The following ARL9 variants were observed in gnomAD, a reference collection of about 807,000 sequenced individuals.
ARL9 encodes ARF like GTPase 9.
ARL9 carries 14 observed loss-of-function variants against 27.0 expected under a neutral mutation model. The ratio of observed to expected loss-of-function variants is 0.52; its 90% CI spans 0.34 to 0.81. The LOEUF (loss-of-function observed/expected upper bound fraction) is 0.81, where lower values mean the gene tolerates loss of function less well. Among genes scored for constraint, ARL9 ranks in the 30% least tolerant of loss-of-function variants. The probability of loss-of-function intolerance (pLI) is 0.01; values close to 1 mark genes in which losing one functional copy is unlikely to be tolerated. For missense variants in ARL9, 294 were observed against 290.0 expected, an observed-to-expected ratio of 1.01 and a Z score of -0.10; for synonymous variants, 106 against 108.7, an observed-to-expected ratio of 0.98 and a Z score of 0.15.
At chr4:56,506,962 T>A (rs1721484289) in intron 1 of ARL9, among the ~76,000 whole-genome samples, 2 of 152,024 alleles carry the variant, frequency 1.3e-5, no homozygotes, top group Admixed American at 1.3e-4. Flanking sequence ...GTCCAGCTAA[T>A]TTTTGTATTT....
intron 1 of ARL9, among the ~76,000 whole-genome samples, chr4:56,508,586 A>G (rs1721535132): frequency 6.6e-6 from 1 of 152,130 alleles, no homozygotes; most frequent in Non-Finnish European, 1.5e-5. Flanking sequence ...GGATTTCACC[A>G]TGTTGGTCAG....
At chr4:56,516,493 T>C (rs1721768539) in intron 2 of ARL9, among the ~76,000 whole-genome samples, 1 of 149,586 alleles carries the variant, frequency 6.7e-6, no homozygotes, top group African/African-American at 2.5e-5. Flanking sequence ...CATAAAAACA[T>C]TGGCAAAAGA....
In ARL9 at chr4:56,524,317, A is replaced by G. The variant is rs1381276943; in HGVS notation, c.*441A>G. 6.4e-6 allele frequency: 1 copy of G among 156,008 alleles called. No individual in the cohort carries two copies. The highest frequency in any genetic ancestry group is 6.3e-5 in the Admixed American group (1 of 15,802). The allele number at this position is 156,008 out of a possible 1,614,324, so 9.7% of individuals were successfully genotyped here. Reference sequence around the variant, plus strand: ...GGAATCAGTCTCCCTGAGAATACCAACGGACAACTGTACAAAGATAATGCT... The same window carrying G: ...GGAATCAGTCTCCCTGAGAATACCAGCGGACAACTGTACAAAGATAATGCT... On this transcript the variant is annotated 3_prime_UTR_variant, in exon 4 of 4. Coordinates refer to ENST00000640821, the MANE Select transcript of ARL9 (RefSeq NM_001363794.2).
At chr4:56,510,246 T>A (rs1215498396) in intron 1 of ARL9, among the ~76,000 whole-genome samples, 1 of 150,252 alleles carries the variant, frequency 6.7e-6, no homozygotes, top group East Asian at 2.0e-4. Flanking sequence ...TCTCAGCTAC[T>A]CGGGAGGCTG....
At chr4:56,518,884 CAA>C in intron 3 of ARL9, 31 bp downstream of exon 3, 2 of 1,588,504 alleles carry the variant, frequency 1.3e-6, no homozygotes, top group South Asian at 1.1e-5. Context: ...AAATTGTACT[CAA>C]GAGTTTTGTA....
chr4:56,520,915 T>C (rs1167831457), intron 3 of ARL9, among the ~76,000 whole-genome samples: 1 of 152,070 alleles, frequency 6.6e-6, no homozygotes, highest in Non-Finnish European at 1.5e-5. Context: ...TGCTGGCATT[T>C]TAAAAGAGAG....
chr4:56,506,067 G>A lies in ARL9; in HGVS notation c.205G>A (p.Glu69Lys). The stretch of plus-strand genomic sequence containing the variant: ...AGGGAAGGAGACAAACAAAGAGAAG[G>A]AACAATTTAAGGGACAAGAAGAGAA... ...KQGKETNKEK[E>K]QFKGQEEKGE... Residue 69 changes from glutamate to lysine, a missense_variant, in exon 1 of 4, where the codon GAA (glutamate) becomes AAA (lysine). Transcript: ENST00000640821. 3 of 1,235,636 alleles carry A rather than the reference G, an allele frequency of 2.4e-6. No individual in the cohort carries two copies. The South Asian group carries it at 1.2e-4, about 50-fold the overall frequency. 76.5% of individuals were successfully genotyped at this position (1,235,636 alleles called of 1,614,324 possible).
intron 1 of ARL9, among the ~76,000 whole-genome samples, chr4:56,508,911 C>T (rs894042378): frequency 1.8e-4 from 27 of 152,158 alleles, no homozygotes; most frequent in African/African-American, 6.3e-4. Flanking sequence ...GAAATGTATA[C>T]GATTATTGTT....
chr4:56,512,505 A>T (rs1018272718), intron 2 of ARL9, among the ~76,000 whole-genome samples: 1 of 146,582 alleles, frequency 6.8e-6, no homozygotes. Context: ...GCCTTCAGGT[A>T]TTAGCTTACA....
At chr4:56,514,476 T>A (rs1027118702) in intron 2 of ARL9, among the ~76,000 whole-genome samples, 1 of 152,098 alleles carries the variant, frequency 6.6e-6, no homozygotes, top group Non-Finnish European at 1.5e-5. Context: ...GGAAACCACA[T>A]ATAAATAATG....
At chr4:56,509,542 G>GTT (rs372463247) in intron 1 of ARL9, among the ~76,000 whole-genome samples, 2 of 143,282 alleles carry the variant, frequency 1.4e-5, no homozygotes, top group Admixed American at 7.0e-5. Flanking sequence ...CATCAGTTTA[G>GTT]TTTTTTTTTT....
At chr4:56,516,994 T>G (rs1255586417) in intron 2 of ARL9, among the ~76,000 whole-genome samples, 3 of 152,218 alleles carry the variant, frequency 2.0e-5, no homozygotes, top group African/African-American at 7.2e-5. Context: ...GGCTATTAGC[T>G]GTTGGCAGAG....
At chr4:56,517,535 A>G (rs1721798015) in intron 2 of ARL9, among the ~76,000 whole-genome samples, 1 of 152,184 alleles carries the variant, frequency 6.6e-6, no homozygotes, top group Non-Finnish European at 1.5e-5. Flanking sequence ...TCTAAATTTG[A>G]TATAATAGTC....
At chr4:56,511,430 T>C in intron 2 of ARL9, 83 bp downstream of exon 2, 1 of 1,364,762 alleles carries the variant, frequency 7.3e-7, no homozygotes, top group South Asian at 1.6e-5. Context: ...CATTGAGTCC[T>C]TGTGAAAACT....
chr4:56,512,799 C>T (rs1247261955), intron 2 of ARL9, among the ~76,000 whole-genome samples: 1 of 152,104 alleles, frequency 6.6e-6, no homozygotes, highest in Admixed American at 6.5e-5. Flanking sequence ...ACCTTAGCCT[C>T]CCAAAGTACT....
intron 2 of ARL9, among the ~76,000 whole-genome samples, chr4:56,516,198 T>C (rs796992503): frequency 7.9e-5 from 12 of 152,318 alleles, no homozygotes; most frequent in African/African-American, 2.9e-4. Flanking sequence ...TCCTGCCTCC[T>C]ATGCATACAA....
At chr4:56,509,210 G>GTT (rs56840959) in intron 1 of ARL9, among the ~76,000 whole-genome samples, 25,431 of 137,298 alleles carry the variant, frequency 0.19, 2,735 homozygotes, top group Admixed American at 0.34. Flanking sequence ...TCTTTTTTTT[G>GTT]TTTTTTTTTT....
intron 2 of ARL9, among the ~76,000 whole-genome samples, chr4:56,515,616 C>T (rs1721747126): frequency 1.3e-5 from 2 of 151,966 alleles, no homozygotes; most frequent in South Asian, 4.1e-4. Context: ...CCTAAAACAC[C>T]CTTCAAATTA....
chr4:56,516,097 A>C (rs1721759075), intron 2 of ARL9, among the ~76,000 whole-genome samples: 1 of 152,198 alleles, frequency 6.6e-6, no homozygotes, highest in South Asian at 2.1e-4. Flanking sequence ...AAGAATAAAC[A>C]AAACGACCAA....
Sources: gnomAD v4.1 joint callset for allele counts (sites outside exome capture counted in the v4.1 genomes callset) on GRCh38, gnomAD v4.1.1 for gene constraint, MANE v1.5 for transcripts, NCBI Gene and HGNC (gene_info 2026-07-23, HGNC 2026-07-21) for gene names.